Variants in DPP6 observed in about 807,000 individuals in gnomAD.
DPP6 encodes A-type potassium channel modulatory protein DPP6.
A neutral mutation model predicts 122.6 loss-of-function variants in DPP6; 69 were observed. The observed-to-expected ratio is 0.56, with a 90% CI of 0.46 to 0.69. The LOEUF is 0.69. DPP6 is among the 30% of genes least tolerant of loss of function. DPP6 has a pLI of 0.00. For missense variants in DPP6, 928 were observed against 1,116.9 expected, an observed-to-expected ratio of 0.83 and a Z score of 2.41; for synonymous variants, 418 against 433.1, an observed-to-expected ratio of 0.97 and a Z score of 0.43.
chr7:154,231,661 G>T (rs1021029214), intron 1 of DPP6, among the ~76,000 whole-genome samples: 1 of 152,130 alleles, frequency 6.6e-6, no homozygotes, highest in African/African-American at 2.4e-5. Flanking sequence ...GGCAGCTTCT[G>T]TCTCCCTTCT....
At chr7:154,722,597 G>C (rs1176949492) in intron 7 of DPP6, among the ~76,000 whole-genome samples, 1 of 152,196 alleles carries the variant, frequency 6.6e-6, no homozygotes, top group Non-Finnish European at 1.5e-5. Flanking sequence ...AATCTGGTGT[G>C]CAACGTATGA....
chr7:154,233,917 G>C (rs960208470), intron 1 of DPP6, among the ~76,000 whole-genome samples: 5 of 152,240 alleles, frequency 3.3e-5, no homozygotes, highest in Admixed American at 6.5e-5. Flanking sequence ...CAGACAGTGA[G>C]AAAGGCTGTG....
At chr7:154,865,932 G>A (rs184951823) in intron 17 of DPP6, among the ~76,000 whole-genome samples, 71 of 152,274 alleles carry the variant, frequency 4.7e-4, no homozygotes, top group African/African-American at 1.5e-3. Context: ...AGTGCATTTC[G>A]TCTCTGGGAT....
the DPP6 span, among the ~76,000 whole-genome samples, chr7:153,788,821 C>T: frequency 1.3e-5 from 2 of 152,084 alleles, no homozygotes; most frequent in East Asian, 3.9e-4. Context: ...AAACATTAGC[C>T]AGGCATGGTG....
At chr7:154,226,150 A>G (rs1800587221) in intron 1 of DPP6, among the ~76,000 whole-genome samples, 1 of 152,168 alleles carries the variant, frequency 6.6e-6, no homozygotes, top group Non-Finnish European at 1.5e-5. Context: ...AGGAGAAACC[A>G]TGGCCAGAGT....
At position 154,481,475 on chromosome 7, in the gene DPP6, C is replaced by G. The variant is rs766799670; in HGVS notation, c.457+6438C>G. Among the ~76,000 whole-genome samples the G allele has an allele frequency of 6.6e-6, 1 of 151,588 alleles. No homozygotes were observed. The highest frequency in any genetic ancestry group is 1.9e-4 in the East Asian group (1 of 5,132). ...ATGCCCAGCACTACATCATCCTCCC[C>G]CAACCTCTTCACAGACCCCCCGCTG... is the stretch of plus-strand genomic sequence containing the variant. On this transcript the variant is annotated intron_variant, in intron 3 of 25. Transcript: ENST00000377770. The surrounding 1 kb of genome is among the most constrained non-coding windows in gnomAD (Gnocchi z 4.2).
intron 3 of DPP6, among the ~76,000 whole-genome samples, chr7:154,497,963 TG>T (rs2151402062): frequency 6.6e-6 from 1 of 152,130 alleles, no homozygotes; most frequent in African/African-American, 2.4e-5. Context: ...AGCAGGATGA[TG>T]GGGGAGGACG....
intron 1 of DPP6, among the ~76,000 whole-genome samples, chr7:153,969,842 C>T (rs1795941633): frequency 6.6e-6 from 1 of 151,196 alleles, no homozygotes. Flanking sequence ...CAGTCCATTC[C>T]TTTACACCCC....
At chr7:154,712,364 C>T (rs1841240366) in intron 7 of DPP6, among the ~76,000 whole-genome samples, 1 of 151,958 alleles carries the variant, frequency 6.6e-6, no homozygotes, top group African/African-American at 2.4e-5. Context: ...AAAATATTTC[C>T]CTAATAAGGA....
intron 5 of DPP6, among the ~76,000 whole-genome samples, chr7:154,567,976 C>G (rs996345028): frequency 6.6e-6 from 1 of 152,164 alleles, no homozygotes; most frequent in African/African-American, 2.4e-5. Flanking sequence ...TTTTTGGACT[C>G]TGTTTCAGTC....
intron 1 of DPP6, among the ~76,000 whole-genome samples, chr7:153,953,841 T>G (rs1020299803): frequency 6.6e-6 from 1 of 152,136 alleles, no homozygotes; most frequent in Non-Finnish European, 1.5e-5. Flanking sequence ...ACAAAGACAT[T>G]TATTTCAGGG....
At chr7:153,855,627 A>G in the DPP6 span, among the ~76,000 whole-genome samples, 32 of 152,128 alleles carry the variant, frequency 2.1e-4, no homozygotes, top group Non-Finnish European at 5.9e-5. Flanking sequence ...TTCTAGTCTT[A>G]TTGATCTGGA....
intron 2 of DPP6, 24 bp from the exon 3 acceptor site, chr7:154,474,915 T>G (rs1822590784): frequency 6.4e-7 from 1 of 1,566,062 alleles, no homozygotes; most frequent in Admixed American, 1.7e-5. Context: ...CAAGCTTAAC[T>G]CTTTGCTTTT....
chr7:154,746,780 A>C (rs1843055588), intron 8 of DPP6, among the ~76,000 whole-genome samples: 1 of 152,240 alleles, frequency 6.6e-6, no homozygotes, highest in African/African-American at 2.4e-5. Flanking sequence ...TCACAAAAAC[A>C]AACAGAAGAT....
chr7:153,771,147 A>C, the DPP6 span, among the ~76,000 whole-genome samples: 5 of 152,322 alleles, frequency 3.3e-5, 1 homozygote, highest in South Asian at 1.0e-3. Context: ...CTATAAATAA[A>C]TGCCAATATA....
At chr7:154,334,256 C>T (rs979775347) in intron 1 of DPP6, among the ~76,000 whole-genome samples, 1 of 151,644 alleles carries the variant, frequency 6.6e-6, no homozygotes, top group Non-Finnish European at 1.5e-5. Context: ...CCTAAGGATG[C>T]CGGCTGCTCT....
At chr7:153,976,491 A>G (rs1003746243) in intron 1 of DPP6, among the ~76,000 whole-genome samples, 4 of 152,314 alleles carry the variant, frequency 2.6e-5, no homozygotes, top group East Asian at 3.9e-4. Context: ...CATCATGAAG[A>G]TATTTCGCTA....
In DPP6 at chr7:154,302,052, C is replaced by T. The variant is rs930570137; in HGVS notation, c.244-144162C>T. 2.6e-5 allele frequency among the ~76,000 whole-genome samples: 4 copies of T among 152,210 alleles called. No homozygotes were observed. The East Asian group carries it at 5.8e-4, about 22-fold the overall frequency. Reference sequence around the variant, plus strand: ...CAGGATGGTCTCGATCTCCTGACCTCGTGATCTACCCTCTTAACGGATTTT... The same window carrying T: ...CAGGATGGTCTCGATCTCCTGACCTTGTGATCTACCCTCTTAACGGATTTT... On this transcript the variant is annotated intron_variant, in intron 1 of 25. Transcript: ENST00000377770.
At chr7:153,865,044 G>A in the DPP6 span, among the ~76,000 whole-genome samples, 2 of 152,106 alleles carry the variant, frequency 1.3e-5, no homozygotes, top group Admixed American at 6.5e-5. Context: ...TGACAGTGGT[G>A]ATGTGAAGGT....
Sources: allele counts gnomAD v4.1 joint callset (sites outside exome capture counted in the v4.1 genomes callset), GRCh38; gene constraint gnomAD v4.1.1; non-coding constraint Gnocchi (gnomAD v3.1); transcripts MANE v1.5; gene names NCBI Gene and HGNC (gene_info 2026-07-23, HGNC 2026-07-21).